The following NCOR1 variants were observed in gnomAD, a reference collection of about 807,000 sequenced individuals.
The protein encoded by NCOR1 is protein phosphatase 1, regulatory subunit 109.
In NCOR1, 63 loss-of-function variants were observed where a neutral mutation model predicts 288.1. The observed-to-expected ratio is 0.22, with a 90% confidence interval of 0.18 to 0.27. NCOR1 has a LOEUF of 0.27. Ranked by LOEUF, NCOR1 falls within the 10% of genes least tolerant of loss-of-function variation. NCOR1 has a pLI of 1.00. For missense variants in NCOR1, 2,397 were observed against 3,019.2 expected, an observed-to-expected ratio of 0.79 and a Z score of 4.83; for synonymous variants, 1,007 against 1,065.9, an observed-to-expected ratio of 0.94 and a Z score of 1.08.
Position 16,048,836 on chromosome 17 carries a change from CACACTTACCTCT to C in NCOR1, c.6533_6536+8del. 1 of 1,586,648 alleles carries C rather than the reference CACACTTACCTCT, an allele frequency of 6.3e-7. No homozygotes were observed. On this transcript the variant is annotated splice_donor_variant and splice_donor_5th_base_variant and coding_sequence_variant and intron_variant, in exon 41 of 46. Coordinates refer to ENST00000268712, the MANE Select transcript of NCOR1 (RefSeq NM_006311.4). LOFTEE classifies it high-confidence loss of function. ...ATGAATGGTTGCTGTCACTAGGAAG[CACACTTACCTCT>C]GCTCTGCAGGCTCTGCGCCCCTCTG...
intron 14 of NCOR1, among the ~76,000 whole-genome samples, chr17:16,133,470 A>C (rs981097581): frequency 1.3e-5 from 2 of 152,238 alleles, no homozygotes; most frequent in Admixed American, 1.3e-4. Flanking sequence ...GCTTGGTTAC[A>C]TAGCAGAGAA....
intron 23 of NCOR1, among the ~76,000 whole-genome samples, chr17:16,081,584 A>G (rs527427741): frequency 1.3e-5 from 2 of 151,996 alleles, no homozygotes; most frequent in Non-Finnish European, 2.9e-5. Context: ...GCTCCTTAAA[A>G]GCCTCATTCC....
At chr17:16,151,919 A>G in intron 8 of NCOR1, 27 bp downstream of exon 8, 1 of 1,543,768 alleles carries the variant, frequency 6.5e-7, no homozygotes, top group Non-Finnish European at 8.9e-7. Context: ...CTTTAATTGA[A>G]GAACTCCAAA....
In NCOR1 at chr17:16,165,063, C is replaced by T. The variant is rs200020868; in HGVS notation, c.534G>A (p.Lys178=). Residue 178 remains lysine, a synonymous_variant, in exon 5 of 46, where the codon AAG becomes AAA. Coordinates refer to ENST00000268712, the MANE Select transcript of NCOR1 (RefSeq NM_006311.4). ...DQNASPSKLS[K]EELIQSMDRV... ...GATCCATACTCTGTATTAACTCTTC[C>T]TTTGAGAGTTTTGAAGGTGAAGCAT... The T allele has an allele frequency of 2.2e-5, 36 of 1,611,470 alleles. No individual in the cohort carries two copies. The highest frequency in any genetic ancestry group is 1.9e-4 in the South Asian group (17 of 90,520).
At chr17:16,063,233 T>C (rs1326518902) in intron 35 of NCOR1, among the ~76,000 whole-genome samples, 1 of 152,036 alleles carries the variant, frequency 6.6e-6, no homozygotes, top group Non-Finnish European at 1.5e-5. Context: ...CAGGATGGAG[T>C]GCAGTGACAC....
In NCOR1 at chr17:16,068,063, G is replaced by T. The variant is rs576088669; in HGVS notation, c.4572C>A (p.Thr1524=). The T allele has an allele frequency of 2.8e-5, 45 of 1,614,120 alleles. No individual in the cohort carries two copies. In the South Asian group the frequency reaches 4.4e-4, roughly 16 times the overall value. Residue 1524 remains threonine (T), a synonymous_variant, in exon 32 of 46, where the codon ACC becomes ACA. Coordinates refer to ENST00000268712, the MANE Select transcript of NCOR1 (RefSeq NM_006311.4). ...ACTTCGCTGGGATACTTTCCCTCTG[G>T]GTAGGGGTCAGTGTCGATTTCCTTT... ...NHERKSTLTP[T]QRESIPAKSP... is the part of the protein sequence containing the mutation.
chr17:16,070,510 A>G lies in NCOR1; in HGVS notation c.4168T>C (p.Phe1390Leu). ...GSISQGTPIK[F>L]DNNSGQSAIK... ...GCAGATTGACCTGAGTTGTTGTCAAACTTTATTGGTGTGCCCTAAAGGGAA... is the reference window on the plus strand; with the variant it reads ...GCAGATTGACCTGAGTTGTTGTCAAGCTTTATTGGTGTGCCCTAAAGGGAA... The change falls in exon 31 of 46, where the codon TTT becomes CTT. Residue 1390 changes from phenylalanine (F) to leucine (L), a missense_variant. Transcript: ENST00000268712. The G allele has an allele frequency of 6.2e-7, 1 of 1,613,908 alleles. No individual in the cohort carries two copies. The highest frequency in any genetic ancestry group is 1.1e-5 in the South Asian group (1 of 91,058).
At chr17:16,148,283 T>C (rs1232840075) in intron 9 of NCOR1, among the ~76,000 whole-genome samples, 3 of 152,128 alleles carry the variant, frequency 2.0e-5, no homozygotes, top group Non-Finnish European at 4.4e-5. Context: ...TCCCTCTGCG[T>C]ATACAAGTTT....
At chr17:16,172,106 T>G (rs2083241155) in intron 3 of NCOR1, 111 bp from the exon 4 acceptor site, 1 of 878,266 alleles carries the variant, frequency 1.1e-6, no homozygotes, top group Non-Finnish European at 1.7e-6. Context: ...CATGCTTACA[T>G]TCAAAGTGAA....
chr17:16,102,313 G>C (rs1384625401), intron 19 of NCOR1, among the ~76,000 whole-genome samples: 2 of 151,896 alleles, frequency 1.3e-5, no homozygotes, highest in African/African-American at 4.8e-5. Flanking sequence ...ATGGGGTTTT[G>C]CTCTTGTTAC....
chr17:16,093,102 A>G (rs958272773), intron 21 of NCOR1, among the ~76,000 whole-genome samples: 1 of 152,204 alleles, frequency 6.6e-6, no homozygotes, highest in Non-Finnish European at 1.5e-5. Flanking sequence ...CCACACTTAC[A>G]TAAAATGGCC....
intron 40 of NCOR1, among the ~76,000 whole-genome samples, chr17:16,052,035 G>A (rs532777725): frequency 8.5e-5 from 13 of 152,282 alleles, no homozygotes; most frequent in Admixed American, 2.6e-4. Flanking sequence ...TTGAGATGGA[G>A]TCTCGCTTTG....
chr17:16,166,639 T>C (rs1025512534), intron 4 of NCOR1, among the ~76,000 whole-genome samples: 24 of 151,606 alleles, frequency 1.6e-4, no homozygotes, highest in South Asian at 2.1e-4. Flanking sequence ...GAGATTGCAC[T>C]ACTGCATTCC....
rs748718494 is a variant in NCOR1, at chr17:16,031,859, T to G, written c.*437A>C. On this transcript the variant is annotated 3_prime_UTR_variant, in exon 46 of 46. Transcript: ENST00000268712. The stretch of plus-strand genomic sequence containing the variant: ...AGAAGGCTAGGGTTAAAAAGATAGA[T>G]AGACAAAAAGATTTTTAAAAATCAC... 1 of 233,850 alleles carries G rather than the reference T, an allele frequency of 4.3e-6. No homozygotes were observed. Among genetic ancestry groups the G allele is most frequent in the African/African-American group, 2.2e-5 (1 of 45,274 alleles). The allele number at this position is 233,850 out of a possible 1,614,324, so 14.5% of individuals were successfully genotyped here.
intron 18 of NCOR1, among the ~76,000 whole-genome samples, chr17:16,111,462 C>T (rs1436300285): frequency 6.6e-6 from 1 of 151,888 alleles, no homozygotes; most frequent in African/African-American, 2.4e-5. Context: ...ATTAGTCAGG[C>T]ATGGTGGTGT....
Position 16,070,295 on chromosome 17 carries a change from G to T in NCOR1, c.4383C>A (p.Ser1461=), listed in dbSNP as rs762883535. 1 of 1,614,098 alleles carries T rather than the reference G, an allele frequency of 6.2e-7. No individual in the cohort carries two copies. Among genetic ancestry groups the T allele is most frequent in the South Asian group, 1.1e-5 (1 of 91,072 alleles). Residue 1461 remains serine, a synonymous_variant, in exon 31 of 46, where the codon TCC becomes TCA. Coordinates refer to ENST00000268712, the MANE Select transcript of NCOR1 (RefSeq NM_006311.4). ...GTGCTTTGGGAGCTTCATGCAGTGT[G>T]GACCTAAGAACGGAGGGGCCAGAGC... is the stretch of plus-strand genomic sequence containing the variant. The part of the protein sequence containing the change: ...VVSSGPSVLR[S]TLHEAPKAQL...
chr17:16,179,867 A>G (rs779654282), intron 3 of NCOR1, among the ~76,000 whole-genome samples: 3 of 149,254 alleles, frequency 2.0e-5, no homozygotes, highest in Non-Finnish European at 3.0e-5. Context: ...TACAAAAATT[A>G]GCCGGGCGTG....
chr17:16,165,281 ACT>A (rs1487622408), intron 4 of NCOR1, 120 bp from the exon 5 acceptor site: 4 of 720,904 alleles, frequency 5.5e-6, no homozygotes, highest in Non-Finnish European at 6.6e-6. Flanking sequence ...GTCTAATGAA[ACT>A]TTTAGTAGTA....
At chr17:16,116,411 T>C (rs759173136) in intron 18 of NCOR1, among the ~76,000 whole-genome samples, 2 of 152,160 alleles carry the variant, frequency 1.3e-5, no homozygotes, top group Non-Finnish European at 2.9e-5. Context: ...CATCAGAAAA[T>C]CTGTAATGAG....
Sources: gnomAD v4.1 joint callset for allele counts (sites outside exome capture counted in the v4.1 genomes callset) on GRCh38, gnomAD v4.1.1 for gene constraint, MANE v1.5 for transcripts, NCBI Gene and HGNC (gene_info 2026-07-23, HGNC 2026-07-21) for gene names.